The following SHISAL2A variants were observed in gnomAD, a reference collection of about 807,000 sequenced individuals.
SHISAL2A encodes the protein protein shisa-like-2A.
In SHISAL2A, 18 loss-of-function variants were observed where a neutral mutation model predicts 11.5. The observed-to-expected ratio is 1.57, with a 90% CI of 1.08 to 2.33. The LOEUF (loss-of-function observed/expected upper bound fraction) is 2.33. SHISAL2A is among the 30% of genes most tolerant of loss of function. The probability of loss-of-function intolerance (pLI) is 0.00; values close to 1 mark genes in which losing one functional copy is unlikely to be tolerated. For synonymous variants in SHISAL2A, 94 were observed against 99.6 expected, an observed-to-expected ratio of 0.94 and a Z score of 0.34; for missense variants, 261 against 250.9, an observed-to-expected ratio of 1.04 and a Z score of -0.27.
chr1:52,645,647 A>C (rs527638901), intron 2 of SHISAL2A, among the ~76,000 whole-genome samples: 47 of 152,288 alleles, frequency 3.1e-4, no homozygotes, highest in Non-Finnish European at 6.2e-4. Context: ...GGCCTCAAGC[A>C]ATCCACCTGC....
chr1:52,639,962 GTATTTTTT>G (rs920596054), intron 1 of SHISAL2A: 1 of 151,850 alleles, frequency 6.6e-6, no homozygotes, highest in Non-Finnish European at 1.5e-5. Context: ...GCTAATTTTT[GTATTTTTT>G]GTAGAAATGG....
At chr1:52,639,725 C>T (rs1335702940) in intron 1 of SHISAL2A, among the ~76,000 whole-genome samples, 2 of 152,086 alleles carry the variant, frequency 1.3e-5, no homozygotes, top group East Asian at 3.9e-4. Context: ...TGCACTCCAG[C>T]CGGGGCGACA....
chr1:52,658,262 A>G (rs998594590), downstream of SHISAL2A, among the ~76,000 whole-genome samples: 1 of 151,268 alleles, frequency 6.6e-6, no homozygotes, highest in East Asian at 1.9e-4. Flanking sequence ...CTGGTCTTGA[A>G]CTCCTGACCT....
rs114106041 is a variant in SHISAL2A, at chr1:52,648,200, A to G, written c.322+5198A>G. On this transcript the variant is annotated intron_variant, in intron 2 of 2. Coordinates refer to ENST00000517870, the MANE Select transcript of SHISAL2A (RefSeq NM_001042693.3). The stretch of plus-strand genomic sequence containing the variant: ...ATATACCCTGTTACTCAGTAATTCT[A>G]CTTCTAATTAGCTGCCTTAAATAGT... Among the ~76,000 whole-genome samples the G allele has an allele frequency of 3.0e-3, 448 of 151,274 alleles. 3 individuals are homozygous for G. The highest frequency in any genetic ancestry group is 0.01 in the African/African-American group (426 of 41,300).
chr1:52,666,621 T>C (rs1474829045), intron 4 of SHISAL2A, among the ~76,000 whole-genome samples: 1 of 151,982 alleles, frequency 6.6e-6, no homozygotes, highest in Non-Finnish European at 1.5e-5. Context: ...TTTGAGTGCT[T>C]ACTATATGCT....
intron 2 of SHISAL2A, among the ~76,000 whole-genome samples, chr1:52,650,120 G>A (rs918829870): frequency 1.3e-5 from 2 of 152,176 alleles, no homozygotes; most frequent in East Asian, 1.9e-4. Flanking sequence ...GCTCAGTCAT[G>A]TCACCCCAGA....
In SHISAL2A at chr1:52,633,714, C is replaced by T. The variant is rs1691182065; in HGVS notation, c.182+39C>T. The T allele has an allele frequency of 1.3e-6, 2 of 1,541,352 alleles. No individual in the cohort carries two copies. Among genetic ancestry groups the T allele is most frequent in the Middle Eastern group, 1.7e-4 (1 of 5,870 alleles). On this transcript the variant is annotated intron_variant, in intron 1 of 2. Transcript: ENST00000517870. The surrounding 1 kb of genome is among the most constrained non-coding windows in gnomAD (Gnocchi z 6.4). ...CCCTCACCCTACCTTGAACCCCACT[C>T]CAGTCTCAGCGCCTTCACCCCAGCC...
chr1:52,665,736 T>TC (rs968416494), intron 4 of SHISAL2A, among the ~76,000 whole-genome samples: 60 of 149,608 alleles, frequency 4.0e-4, no homozygotes, highest in African/African-American at 7.9e-4. Flanking sequence ...TCAAGCACCA[T>TC]CCCCCCCCAC....
At chr1:52,665,558 T>G (rs950417717) in intron 4 of SHISAL2A, among the ~76,000 whole-genome samples, 7 of 152,196 alleles carry the variant, frequency 4.6e-5, no homozygotes, top group Admixed American at 1.3e-4. Flanking sequence ...ATTGTATGCA[T>G]TATCCATATT....
intron 2 of SHISAL2A, among the ~76,000 whole-genome samples, chr1:52,652,236 C>T (rs1187780280): frequency 3.3e-5 from 5 of 152,114 alleles, no homozygotes; most frequent in African/African-American, 4.8e-5. Context: ...TGTTCTGGGA[C>T]AAGAGGATCA....
At position 52,642,861 on chromosome 1, in the gene SHISAL2A, A is replaced by C. The variant is rs753111796; in HGVS notation, c.183-2A>C. On this transcript the variant is annotated splice_acceptor_variant, in intron 1 of 2. Transcript: ENST00000517870. LOFTEE classifies it high-confidence loss of function. ...AGCTCCCATGTGGTCTTCTCTTCCC[A>C]GCATTGGCGCTCTCATAGGCCTGTC... 1 of 1,612,836 alleles carries C rather than the reference A, an allele frequency of 6.2e-7. No homozygotes were observed. Among genetic ancestry groups the C allele is most frequent in the Admixed American group, 1.7e-5 (1 of 59,998 alleles).
intron 1 of SHISAL2A, among the ~76,000 whole-genome samples, chr1:52,637,925 A>T (rs1691272980): frequency 6.6e-6 from 1 of 152,152 alleles, no homozygotes; most frequent in Admixed American, 6.5e-5. Context: ...TACCCAGGGT[A>T]GGAATCTCTA....
intron 4 of SHISAL2A, among the ~76,000 whole-genome samples, chr1:52,663,838 C>T (rs1323070863): frequency 6.6e-6 from 1 of 152,210 alleles, no homozygotes; most frequent in Non-Finnish European, 1.5e-5. Flanking sequence ...TCAGTCTTTA[C>T]ATTAGTGACT....
At chr1:52,644,883 G>C (rs954626398) in intron 2 of SHISAL2A, among the ~76,000 whole-genome samples, 1 of 151,386 alleles carries the variant, frequency 6.6e-6, no homozygotes, top group Non-Finnish European at 1.5e-5. Context: ...TGGGCTTGGT[G>C]GTGGGCGCCT....
At chr1:52,661,553 T>G (rs1443833044), downstream of SHISAL2A, among the ~76,000 whole-genome samples, 1 of 152,176 alleles carries the variant, frequency 6.6e-6, no homozygotes, top group African/African-American at 2.4e-5. Flanking sequence ...CTCCATGCCT[T>G]GCTCGGTCCC....
At chr1:52,642,441 T>C (rs1282751099) in intron 1 of SHISAL2A, among the ~76,000 whole-genome samples, 3 of 151,710 alleles carry the variant, frequency 2.0e-5, no homozygotes, top group Non-Finnish European at 4.4e-5. Flanking sequence ...TTTTTTTTTT[T>C]TTGAGATGGA....
At chr1:52,645,017 CAAAA>C (rs752980005) in intron 2 of SHISAL2A, among the ~76,000 whole-genome samples, 3 of 69,426 alleles carry the variant, frequency 4.3e-5, no homozygotes, top group Admixed American at 1.7e-4. Flanking sequence ...ACTCTGTCTC[CAAAA>C]AAAAAAAAAA....
At chr1:52,637,318 G>A (rs1691258784) in intron 1 of SHISAL2A, among the ~76,000 whole-genome samples, 3 of 152,168 alleles carry the variant, frequency 2.0e-5, no homozygotes, top group Admixed American at 2.0e-4. Context: ...TAACTCTTCC[G>A]GCATGCTCCT....
rs143800775 is a variant in SHISAL2A, at chr1:52,634,496, C to T, written c.182+821C>T. 1.6e-4 allele frequency among the ~76,000 whole-genome samples: 24 copies of T among 152,298 alleles called. 1 individual carries two copies. The East Asian group carries it at 4.6e-3, about 29-fold the overall frequency. On this transcript the variant is annotated intron_variant, in intron 1 of 2. Coordinates refer to ENST00000517870, the MANE Select transcript of SHISAL2A (RefSeq NM_001042693.3). Reference sequence around the variant, plus strand: ...GCATAGTGCAGAAGCTAGCTCAGGCCATATTCATAGAAGTGTTGACTCTCC... The same window carrying T: ...GCATAGTGCAGAAGCTAGCTCAGGCTATATTCATAGAAGTGTTGACTCTCC...
Sources: gnomAD v4.1 joint callset for allele counts (sites outside exome capture counted in the v4.1 genomes callset) on GRCh38, gnomAD v4.1.1 for gene constraint, Gnocchi (gnomAD v3.1) non-coding constraint, MANE v1.5 for transcripts, NCBI Gene and HGNC (gene_info 2026-07-23, HGNC 2026-07-21) for gene names.